Variants in SLC6A15 observed in about 807,000 individuals in gnomAD.
The protein encoded by SLC6A15 is solute carrier family 6 member 15, also known as sodium-dependent neutral amino acid transporter B(0)AT2.
Under a neutral mutation model 68.5 loss-of-function variants are expected in SLC6A15, and 33 were observed. The observed-to-expected ratio is 0.48, with a 90% CI of 0.37 to 0.64. The LOEUF (loss-of-function observed/expected upper bound fraction) is 0.64, where lower values mean the gene tolerates loss of function less well. Among genes scored for constraint, SLC6A15 ranks in the 30% least tolerant of loss-of-function variants. SLC6A15 has a pLI of 0.00. For missense variants in SLC6A15, 747 were observed against 874.3 expected (o/e 0.85, Z 1.84); for synonymous variants, 347 against 301.0 (o/e 1.15, Z -1.58).
intron 10 of SLC6A15, among the ~76,000 whole-genome samples, chr12:84,864,229 T>C (rs1870974514): frequency 1.3e-5 from 2 of 151,686 alleles, no homozygotes; most frequent in Non-Finnish European, 2.9e-5. Context: ...TTTTCTGAAC[T>C]CTTCTTTTTA....
intron 1 of SLC6A15, among the ~76,000 whole-genome samples, chr12:84,904,149 C>G (rs76651946): frequency 0.041 from 6,009 of 147,924 alleles, 378 homozygotes; most frequent in African/African-American, 0.14. Context: ...CCATGTAAAA[C>G]GTCTGCTTCT....
Position 84,861,708 on chromosome 12 carries a change from G to A in SLC6A15, c.2117C>T (p.Thr706Ile). Residue 706 changes from threonine to isoleucine, a missense_variant, in exon 12 of 12, where the codon ACT (threonine) becomes ATT (isoleucine). Physicochemically the swap from Thr to Ile is moderately conservative, Grantham distance 89 (BLOSUM62 -1). Coordinates refer to ENST00000266682, the MANE Select transcript of SLC6A15 (RefSeq NM_182767.6). Reference sequence around the variant, plus strand: ...TATTCCATACCGTCCATTGGGAGCAGTATCCAGAGTTGGGGATCCACTCTG... The same window carrying A: ...TATTCCATACCGTCCATTGGGAGCAATATCCAGAGTTGGGGATCCACTCTG... ...RKQSGSPTLD[T>I]APNGRYGIGY... The A allele has an allele frequency of 1.9e-6, 3 of 1,613,934 alleles. No homozygotes were observed. Among genetic ancestry groups the A allele is most frequent in the South Asian group, 1.1e-5 (1 of 91,074 alleles).
rs557714800 is a variant in SLC6A15 at position 84,883,530 on chromosome 12, C to T, written c.756+329G>A. 7.2e-5 allele frequency: 93 copies of T among 1,290,706 alleles called. No individual in the cohort carries two copies. In the African/African-American group the frequency reaches 1.3e-3, roughly 19 times the overall value. The allele number at this position is 1,290,706 out of a possible 1,614,324, so 80.0% of individuals were successfully genotyped here. On this transcript the variant is annotated intron_variant, in intron 5 of 11. Transcript: ENST00000266682. ...ACTTTCCCCAATTTCCATAATTTAA[C>T]TAATTGGTAATTAGAGAACTGAAAC...
chr12:84,894,529 TA>T (rs1872553109), intron 1 of SLC6A15, among the ~76,000 whole-genome samples: 1 of 152,076 alleles, frequency 6.6e-6, no homozygotes, highest in Non-Finnish European at 1.5e-5. Flanking sequence ...ACTATTATAG[TA>T]AAAACACTCA....
chr12:84,911,677 C>G (rs1873471522), intron 1 of SLC6A15, among the ~76,000 whole-genome samples: 2 of 152,182 alleles, frequency 1.3e-5, no homozygotes, highest in South Asian at 4.1e-4. Context: ...AGTTGGTGCG[C>G]TACGTTAGAG....
chr12:84,907,054 T>G (rs765716259), intron 1 of SLC6A15, among the ~76,000 whole-genome samples: 8 of 152,068 alleles, frequency 5.3e-5, no homozygotes, highest in Non-Finnish European at 8.8e-5. Flanking sequence ...AAAGAACTCT[T>G]AAAACTCGAC....
chr12:84,870,679 T>C lies in SLC6A15; in HGVS notation c.1303-9A>G. ...CCGGTCCCCTGAACAGCCTGCAAAA[T>C]ACACAAAATAGCAACATTAGTACAG... On this transcript the variant is annotated splice_polypyrimidine_tract_variant and intron_variant, in intron 8 of 11. Transcript: ENST00000266682. The C allele has an allele frequency of 3.1e-6, 5 of 1,593,820 alleles. No individual in the cohort carries two copies. The highest frequency in any genetic ancestry group is 4.3e-6 in the Non-Finnish European group (5 of 1,166,488).
At chr12:84,886,998 A>T (rs1327732110) in intron 2 of SLC6A15, among the ~76,000 whole-genome samples, 9 of 152,158 alleles carry the variant, frequency 5.9e-5, no homozygotes, top group Non-Finnish European at 4.4e-5. Context: ...GCTGAAGTAC[A>T]GTGGTGTGAT....
chr12:84,909,395 C>T (rs1039773038), intron 1 of SLC6A15, among the ~76,000 whole-genome samples: 21 of 152,126 alleles, frequency 1.4e-4, no homozygotes, highest in African/African-American at 5.1e-4. Flanking sequence ...CCCTATATCC[C>T]AGTTTATTTT....
chr12:84,864,028 T>G lies in SLC6A15; in HGVS notation c.1656-427A>C, dbSNP rs1280051848. On this transcript the variant is annotated intron_variant, in intron 10 of 11. Transcript: ENST00000266682. ...AATTATTACTATGCTATTAATACTA[T>G]TCTATCAAGGAATTATTACTTTTAG... is the stretch of plus-strand genomic sequence containing the variant. Among the ~76,000 whole-genome samples the G allele has an allele frequency of 2.7e-5, 4 of 150,924 alleles. No individual in the cohort carries two copies. In the South Asian group the frequency reaches 8.3e-4, roughly 31 times the overall value.
At chr12:84,912,097 G>A (rs757541205) in intron 1 of SLC6A15, 14 of 152,294 alleles carry the variant, frequency 9.2e-5, no homozygotes, top group Middle Eastern at 3.4e-3. Context: ...TTCACCTCGC[G>A]TCTCTCTCTG....
chr12:84,907,636 A>T (rs1467958840), intron 1 of SLC6A15, among the ~76,000 whole-genome samples: 1 of 152,194 alleles, frequency 6.6e-6, no homozygotes, highest in African/African-American at 2.4e-5. Context: ...ACTCTGGAAA[A>T]GTTCGACTGT....
chr12:84,885,021 A>AT (rs1208823914), intron 4 of SLC6A15, among the ~76,000 whole-genome samples: 1 of 151,838 alleles, frequency 6.6e-6, no homozygotes, highest in Non-Finnish European at 1.5e-5. Flanking sequence ...ATATTATGGG[A>AT]TTTAAAAAAA....
At chr12:84,896,272 A>G (rs903444582) in intron 1 of SLC6A15, among the ~76,000 whole-genome samples, 2 of 152,056 alleles carry the variant, frequency 1.3e-5, no homozygotes, top group African/African-American at 4.8e-5. Flanking sequence ...GCCAAATACA[A>G]CCCACCATCT....
At chr12:84,888,685 T>C (rs1030874297) in intron 2 of SLC6A15, among the ~76,000 whole-genome samples, 4 of 152,126 alleles carry the variant, frequency 2.6e-5, no homozygotes, top group African/African-American at 9.7e-5. Context: ...GGGTGAGGGG[T>C]ACATTAAAAT....
chr12:84,893,601 C>T (rs1217581386), intron 1 of SLC6A15, among the ~76,000 whole-genome samples: 9 of 152,032 alleles, frequency 5.9e-5, no homozygotes, highest in South Asian at 2.1e-4. Context: ...CCAAGAATTC[C>T]GCCCTTCATT....
chr12:84,861,431 G>A lies in SLC6A15; in HGVS notation c.*201C>T, dbSNP rs1870843380. 1.9e-6 allele frequency: 1 copy of A among 513,618 alleles called. No homozygotes were observed. Among genetic ancestry groups the A allele is most frequent in the African/African-American group, 1.9e-5 (1 of 52,132 alleles). The allele number at this position is 513,618 out of a possible 1,614,324, so 31.8% of individuals were successfully genotyped here. A position where few individuals can be genotyped will look rare whatever the true frequency, so the allele number is the denominator to read the frequency against. ...ACCTCAGCCCTCCTAAGATTTGTCT[G>A]CAATCCTTTCTGCACAAATGTAAAC... is the stretch of plus-strand genomic sequence containing the variant. On this transcript the variant is annotated 3_prime_UTR_variant, in exon 12 of 12. Transcript: ENST00000266682.
intron 9 of SLC6A15, chr12:84,867,505 T>C (rs1871112664): frequency 1.2e-5 from 2 of 169,076 alleles, no homozygotes; most frequent in Admixed American, 1.3e-4. Flanking sequence ...ATTTCCATAC[T>C]CTATTCGTAT....
chr12:84,866,050 G>A (rs1871051600), intron 10 of SLC6A15, among the ~76,000 whole-genome samples: 1 of 152,056 alleles, frequency 6.6e-6, no homozygotes, highest in African/African-American at 2.4e-5. Context: ...TCCTGACCTG[G>A]AGCTTTTGGC....
Sources: allele counts gnomAD v4.1 joint callset (sites outside exome capture counted in the v4.1 genomes callset), GRCh38; gene constraint gnomAD v4.1.1; transcripts MANE v1.5; gene names NCBI Gene and HGNC (gene_info 2026-07-23, HGNC 2026-07-21).